The following RMND5A variants were observed in gnomAD, a reference collection of about 807,000 sequenced individuals.
RMND5A encodes the protein required for meiotic nuclear division 5 homolog A, also known as E3 ubiquitin-protein transferase RMND5A.
Under a neutral mutation model 49.7 loss-of-function variants are expected in RMND5A, and 17 were observed. That is an observed-to-expected ratio of 0.34 (90% confidence interval 0.23 to 0.51). The LOEUF (loss-of-function observed/expected upper bound fraction) is 0.51. RMND5A is among the 20% of genes least tolerant of loss of function. The probability of loss-of-function intolerance (pLI) is 0.96; values close to 1 mark genes in which losing one functional copy is unlikely to be tolerated. For missense variants in RMND5A, 255 were observed against 471.3 expected (o/e 0.54, Z 4.25); for synonymous variants, 156 against 167.7 (o/e 0.93, Z 0.54).
Position 86,751,910 on chromosome 2 carries a change from C to T in RMND5A, c.300C>T (p.Asp100=), listed in dbSNP as rs1681640382. 2 of 1,613,124 alleles carry T rather than the reference C, an allele frequency of 1.2e-6. No homozygotes were observed. The highest frequency in any genetic ancestry group is 2.7e-5 in the African/African-American group (2 of 74,878). The part of the protein sequence containing the change: ...GKAIDKNFDS[D]ISSVGIDGCW... ...CTTTTCCCCAGAATTTTGATTCTGA[C>T]ATTAGCAGTGTGGGAATAGATGGCT... The change falls in exon 3 of 9, where the codon GAC becomes GAT. Residue 100 remains aspartate (D), a synonymous_variant. Coordinates refer to ENST00000283632, the MANE Select transcript of RMND5A (RefSeq NM_022780.4).
At chr2:86,771,121 T>A (rs1016760629) in intron 7 of RMND5A, among the ~76,000 whole-genome samples, 2 of 151,882 alleles carry the variant, frequency 1.3e-5, no homozygotes, top group Non-Finnish European at 2.9e-5. Flanking sequence ...CAAGTAGCAC[T>A]CCTGCTCTAC....
chr2:86,773,436 GT>G lies in RMND5A; in HGVS notation c.*26del. On this transcript the variant is annotated 3_prime_UTR_variant, in exon 9 of 9. Transcript: ENST00000283632. ...AAGAGATAACTTTAGTTTGCAATTTGTAAGTGAAACTGAATCGTGGGTGCAT... is the reference window on the plus strand; with the variant it reads ...AAGAGATAACTTTAGTTTGCAATTTGAAGTGAAACTGAATCGTGGGTGCAT... 1 of 1,484,732 alleles carries G rather than the reference GT, an allele frequency of 6.7e-7. No individual in the cohort carries two copies. Among genetic ancestry groups the G allele is most frequent in the Non-Finnish European group, 9.4e-7 (1 of 1,062,472 alleles). The allele number at this position is 1,484,732 out of a possible 1,614,324, so 92.0% of individuals were successfully genotyped here. A position where few individuals can be genotyped will look rare whatever the true frequency, so the allele number is the denominator to read the frequency against.
At chr2:86,743,977 CA>C (rs11313907) in intron 2 of RMND5A, among the ~76,000 whole-genome samples, 7,866 of 116,924 alleles carry the variant, frequency 0.067, 309 homozygotes, top group African/African-American at 0.12. Context: ...GACTCCATCT[CA>C]AAAAAAAAAA....
chr2:86,729,043 C>T (rs1681315679), intron 1 of RMND5A, among the ~76,000 whole-genome samples: 1 of 152,122 alleles, frequency 6.6e-6, no homozygotes, highest in South Asian at 2.1e-4. Context: ...CGTGAGCCAC[C>T]ACGCCGGGCC....
At chr2:86,744,346 T>C (rs1306758000) in intron 2 of RMND5A, among the ~76,000 whole-genome samples, 1 of 152,200 alleles carries the variant, frequency 6.6e-6, no homozygotes. Flanking sequence ...TGGACCTGAT[T>C]GGTGGTGACC....
intron 4 of RMND5A, among the ~76,000 whole-genome samples, chr2:86,755,689 AT>A (rs1681722120): frequency 6.6e-6 from 1 of 152,198 alleles, no homozygotes; most frequent in Non-Finnish European, 1.5e-5. Context: ...TATATAAGAT[AT>A]GTTTCTTATT....
In RMND5A at chr2:86,747,098, C is replaced by G. The variant is rs925405298; in HGVS notation, c.286-4798C>G. 2.0e-5 allele frequency among the ~76,000 whole-genome samples: 3 copies of G among 152,158 alleles called. No homozygotes were observed. In the South Asian group the frequency reaches 6.2e-4, roughly 32 times the overall value. On this transcript the variant is annotated intron_variant, in intron 2 of 8. Coordinates refer to ENST00000283632, the MANE Select transcript of RMND5A (RefSeq NM_022780.4). ...GCTTTACTAGGTATTGTAAAATTTT[C>G]CCCTGAAGGGTTTATACCAATTTAC...
At chr2:86,721,110 C>G (rs1171278269) in intron 1 of RMND5A, 1 of 286,746 alleles carries the variant, frequency 3.5e-6, no homozygotes, top group Non-Finnish European at 6.5e-6. Context: ...CTGCAAACTG[C>G]CGACCCCCGA....
At chr2:86,758,139 A>G (rs896092724) in intron 4 of RMND5A, among the ~76,000 whole-genome samples, 4 of 137,398 alleles carry the variant, frequency 2.9e-5, no homozygotes, top group African/African-American at 1.1e-4. Context: ...TAGGTAATAA[A>G]TAAGAGTACA....
chr2:86,729,342 G>T (rs1681322355), intron 1 of RMND5A, among the ~76,000 whole-genome samples: 1 of 151,688 alleles, frequency 6.6e-6, no homozygotes, highest in Non-Finnish European at 1.5e-5. Context: ...GAGTAGATGG[G>T]CATTATTTCA....
At chr2:86,765,635 A>G in intron 5 of RMND5A, 1 of 499,626 alleles carries the variant, frequency 2.0e-6, no homozygotes, top group Middle Eastern at 5.4e-4. Context: ...GTAGAGAAGA[A>G]TTTAAATTAT....
In RMND5A at chr2:86,746,711, A is replaced by G. The variant is rs186549147; in HGVS notation, c.286-5185A>G. 3.3e-5 allele frequency among the ~76,000 whole-genome samples: 5 copies of G among 152,364 alleles called. No homozygotes were observed. In the East Asian group the frequency reaches 9.6e-4, roughly 29 times the overall value. ...TTCCATAGAATGGTAAGAGATACAT[A>G]TCATCCTTGGAAGAATTAATAAAAT... On this transcript the variant is annotated intron_variant, in intron 2 of 8. Coordinates refer to ENST00000283632, the MANE Select transcript of RMND5A (RefSeq NM_022780.4).
intron 2 of RMND5A, among the ~76,000 whole-genome samples, chr2:86,746,846 A>G (rs1212035455): frequency 6.6e-6 from 1 of 152,240 alleles, no homozygotes; most frequent in Admixed American, 6.5e-5. Flanking sequence ...AAATAAAGCA[A>G]TAACATAACA....
At chr2:86,757,253 T>C (rs1171096316) in intron 4 of RMND5A, among the ~76,000 whole-genome samples, 3 of 149,248 alleles carry the variant, frequency 2.0e-5, no homozygotes, top group Non-Finnish European at 4.4e-5. Flanking sequence ...AATGGTGATA[T>C]TGTGGAGAGA....
At chr2:86,720,993 C>G (rs1267289361) in intron 1 of RMND5A, 184 bp downstream of exon 1, 2 of 506,384 alleles carry the variant, frequency 3.9e-6, no homozygotes, top group African/African-American at 2.1e-5. Flanking sequence ...TCGAACCTGC[C>G]GCGACCTCGC....
At chr2:86,745,249 G>A (rs1681517247) in intron 2 of RMND5A, among the ~76,000 whole-genome samples, 1 of 152,014 alleles carries the variant, frequency 6.6e-6, no homozygotes, top group Admixed American at 6.6e-5. Context: ...AATCTGATGT[G>A]GTATAATTAA....
chr2:86,755,051 C>G (rs72934485), intron 4 of RMND5A, among the ~76,000 whole-genome samples: 220 of 152,038 alleles, frequency 1.4e-3, no homozygotes, highest in African/African-American at 5.1e-3. Context: ...TGTGACACAT[C>G]TGGGAGATAA....
At chr2:86,762,682 T>TATATATATCATATATATCATATATATC (rs58739685) in intron 4 of RMND5A, among the ~76,000 whole-genome samples, 9 of 131,680 alleles carry the variant, frequency 6.8e-5, no homozygotes, top group South Asian at 4.9e-4. Context: ...ATATATATCA[T>TATATATATCATATATATCATATATATC]ATATATATCA....
At chr2:86,763,522 G>A (rs1402713139) in intron 4 of RMND5A, among the ~76,000 whole-genome samples, 1 of 151,978 alleles carries the variant, frequency 6.6e-6, no homozygotes, top group Non-Finnish European at 1.5e-5. Context: ...GCTCACACCT[G>A]TAACCGCAGC....
Sources: gnomAD v4.1 joint callset for allele counts (sites outside exome capture counted in the v4.1 genomes callset) on GRCh38, gnomAD v4.1.1 for gene constraint, MANE v1.5 for transcripts, NCBI Gene and HGNC (gene_info 2026-07-23, HGNC 2026-07-21) for gene names.